Variants in EPC1 observed in about 807,000 individuals in gnomAD.
EPC1 encodes the protein enhancer of polycomb 1.
A neutral mutation model predicts 98.4 loss-of-function variants in EPC1; 12 were observed. That is an observed-to-expected ratio of 0.12 (90% CI 0.08 to 0.20). The LOEUF (loss-of-function observed/expected upper bound fraction) is 0.20, where lower values mean the gene tolerates loss of function less well. Among genes scored for constraint, EPC1 ranks in the 10% least tolerant of loss-of-function variants. The probability of loss-of-function intolerance (pLI) is 1.00; values close to 1 mark genes in which losing one functional copy is unlikely to be tolerated. For synonymous variants in EPC1, 357 were observed against 363.9 expected (o/e 0.98, Z 0.21); for missense variants, 729 against 990.5 (o/e 0.74, Z 3.54).
intron 1 of EPC1, among the ~76,000 whole-genome samples, chr10:32,355,338 T>A (rs1839240280): frequency 6.6e-6 from 1 of 152,226 alleles, no homozygotes; most frequent in Non-Finnish European, 1.5e-5. Context: ...GCAGAGGAAC[T>A]ATTCGGTAGT....
At chr10:32,368,226 T>C (rs1256331218) in intron 1 of EPC1, among the ~76,000 whole-genome samples, 1 of 152,208 alleles carries the variant, frequency 6.6e-6, no homozygotes, top group Admixed American at 6.6e-5. Context: ...TTTGAACTGG[T>C]GCTCTGTGGG....
chr10:32,325,778 T>G (rs547405866), intron 1 of EPC1, among the ~76,000 whole-genome samples: 258 of 28,790 alleles, frequency 9.0e-3, no homozygotes, highest in Non-Finnish European at 0.05. Context: ...CACTGCCGGT[T>G]TTTTGGTGTT....
intron 1 of EPC1, among the ~76,000 whole-genome samples, chr10:32,367,557 C>G (rs1162861269): frequency 2.6e-5 from 4 of 152,100 alleles, no homozygotes; most frequent in Admixed American, 2.0e-4. Context: ...GTATATTAAA[C>G]TTTCAATTCT....
chr10:32,269,006 G>T lies in EPC1; in HGVS notation c.*57C>A. ...TTCCATCATCCCTTGCATTCAAAAT[G>T]CTACTGATGCATAGCACCTAATCAA... On this transcript the variant is annotated 3_prime_UTR_variant, in exon 14 of 14. Transcript: ENST00000319778. 1 of 1,422,706 alleles carries T rather than the reference G, an allele frequency of 7.0e-7. No individual in the cohort carries two copies. The highest frequency in any genetic ancestry group is 1.2e-5 in the South Asian group (1 of 83,632). 88.1% of individuals were successfully genotyped at this position (1,422,706 alleles called of 1,614,324 possible). A position where few individuals can be genotyped will look rare whatever the true frequency, so the allele number is the denominator to read the frequency against.
chr10:32,321,734 C>T (rs1487906644), intron 1 of EPC1, among the ~76,000 whole-genome samples: 2 of 151,954 alleles, frequency 1.3e-5, no homozygotes, highest in East Asian at 1.9e-4. Context: ...TCCGAAGTGG[C>T]GGAAGTAGGA....
At chr10:32,299,648 G>T (rs1248916497) in intron 2 of EPC1, among the ~76,000 whole-genome samples, 1 of 151,904 alleles carries the variant, frequency 6.6e-6, no homozygotes, top group Non-Finnish European at 1.5e-5. Context: ...TCTTGGCTAG[G>T]TTATTGCAAA....
chr10:32,271,561 C>T lies in EPC1; in HGVS notation c.2362G>A (p.Val788Ile). Residue 788 changes from valine to isoleucine, a missense_variant, in exon 13 of 14, where the codon GTT (valine) becomes ATT (isoleucine). Coordinates refer to ENST00000319778, the MANE Select transcript of EPC1 (RefSeq NM_001272004.3). Reference protein sequence around the residue: ...KVPSSSSVDSVPRENHESEKP... With the variant: ...KVPSSSSVDSIPRENHESEKP... ...GCAAAAATAACTACTCACCTTGGAA[C>T]TGAATCTACAGAGGATGAAGATGGG... is the stretch of plus-strand genomic sequence containing the variant. 6.2e-7 allele frequency: 1 copy of T among 1,613,186 alleles called. No homozygotes were observed. The highest frequency in any genetic ancestry group is 1.7e-5 in the Admixed American group (1 of 59,990).
At chr10:32,325,394 A>C (rs1837213062) in intron 1 of EPC1, among the ~76,000 whole-genome samples, 1 of 152,258 alleles carries the variant, frequency 6.6e-6, no homozygotes, top group Admixed American at 6.5e-5. Context: ...GCTTAATGCT[A>C]TGTTAAATAA....
At chr10:32,358,156 A>G (rs927439669) in intron 1 of EPC1, among the ~76,000 whole-genome samples, 2 of 152,138 alleles carry the variant, frequency 1.3e-5, no homozygotes, top group Non-Finnish European at 2.9e-5. Flanking sequence ...CGCCCAGGCT[A>G]CTTCTCAGTA....
At chr10:32,297,576 C>T (rs61844510) in intron 2 of EPC1, among the ~76,000 whole-genome samples, 11 of 152,056 alleles carry the variant, frequency 7.2e-5, no homozygotes, top group Non-Finnish European at 1.2e-4. Flanking sequence ...CATGAGTCAT[C>T]GCAACTGGCC....
intron 10 of EPC1, among the ~76,000 whole-genome samples, chr10:32,280,673 G>C (rs932491362): frequency 1.3e-5 from 2 of 151,648 alleles, no homozygotes; most frequent in African/African-American, 4.8e-5. Flanking sequence ...GGGAGGTGGA[G>C]GTTGCAGTGA....
intron 1 of EPC1, among the ~76,000 whole-genome samples, chr10:32,338,169 C>T (rs1838093714): frequency 6.6e-6 from 1 of 152,178 alleles, no homozygotes; most frequent in Non-Finnish European, 1.5e-5. Context: ...CTACATCCCC[C>T]ACCCCTAACT....
At chr10:32,306,046 G>T in intron 1 of EPC1, 115 bp from the exon 2 acceptor site, 1 of 879,810 alleles carries the variant, frequency 1.1e-6, no homozygotes, top group Non-Finnish European at 1.6e-6. Flanking sequence ...GATTCTAGTA[G>T]TAGATCTTAA....
intron 1 of EPC1, among the ~76,000 whole-genome samples, 174 bp from the exon 2 acceptor site, chr10:32,306,105 G>T (rs1835861843): frequency 6.6e-6 from 1 of 151,898 alleles, no homozygotes; most frequent in Non-Finnish European, 1.5e-5. Context: ...AGTTCAGGTA[G>T]AAACAAAAAA....
At chr10:32,285,960 T>C (rs1836657883) in intron 9 of EPC1, 1 of 152,080 alleles carries the variant, frequency 6.6e-6, no homozygotes. Context: ...TCTTAACCAA[T>C]GTTTAAATAA....
intron 6 of EPC1, among the ~76,000 whole-genome samples, chr10:32,290,483 C>CAAAAAAAAAAAAAAAAAAAAAA (rs57193296): frequency 7.5e-5 from 3 of 40,154 alleles, no homozygotes; most frequent in African/African-American, 4.0e-4. Context: ...AAGACTCTGT[C>CAAAAAAAAAAAAAAAAAAAAAA]AAAAAAAAAA....
chr10:32,297,990 G>A (rs1297870479), intron 2 of EPC1, among the ~76,000 whole-genome samples: 5 of 151,920 alleles, frequency 3.3e-5, no homozygotes, highest in Admixed American at 1.3e-4. Context: ...GTGGAGATGG[G>A]GTTTCACCGT....
chr10:32,343,181 T>C (rs1838483404), intron 1 of EPC1, among the ~76,000 whole-genome samples: 1 of 152,204 alleles, frequency 6.6e-6, no homozygotes, highest in Non-Finnish European at 1.5e-5. Flanking sequence ...ATTAAATACA[T>C]TGTTTTCATC....
intron 2 of EPC1, 83 bp downstream of exon 2, chr10:32,305,689 C>G: frequency 8.6e-7 from 1 of 1,156,620 alleles, no homozygotes; most frequent in South Asian, 2.4e-5. Flanking sequence ...ATAACAAAAA[C>G]GCTCCTGAAG....
Sources: gnomAD v4.1 joint callset for allele counts (sites outside exome capture counted in the v4.1 genomes callset) on GRCh38, gnomAD v4.1.1 for gene constraint, MANE v1.5 for transcripts, NCBI Gene and HGNC (gene_info 2026-07-23, HGNC 2026-07-21) for gene names.